GALNTL6: variants seen among roughly 807,000 people sequenced by gnomAD.
The protein encoded by GALNTL6 is polypeptide N-acetylgalactosaminyltransferase like 6, also known as polypeptide N-acetylgalactosaminyltransferase-like 6.
A neutral mutation model predicts 73.7 loss-of-function variants in GALNTL6; 46 were observed. The ratio of observed to expected loss-of-function variants is 0.62; its 90% confidence interval spans 0.49 to 0.80. The LOEUF (loss-of-function observed/expected upper bound fraction) is 0.80. Among genes scored for constraint, GALNTL6 ranks in the 30% least tolerant of loss-of-function variants. The probability of loss-of-function intolerance (pLI) is 0.00; values close to 1 mark genes in which losing one functional copy is unlikely to be tolerated. For synonymous variants in GALNTL6, 259 were observed against 263.7 expected, an observed-to-expected ratio of 0.98 and a Z score of 0.17; for missense variants, 604 against 755.0, an observed-to-expected ratio of 0.80 and a Z score of 2.34.
chr4:172,745,059 G>A (rs566220276), intron 5 of GALNTL6, among the ~76,000 whole-genome samples: 6 of 151,890 alleles, frequency 4.0e-5, no homozygotes, highest in Non-Finnish European at 8.8e-5. Flanking sequence ...AGGCTTGAAA[G>A]GATATGAGAA....
At chr4:172,693,603 G>C (rs902317998) in intron 5 of GALNTL6, among the ~76,000 whole-genome samples, 9 of 152,116 alleles carry the variant, frequency 5.9e-5, no homozygotes, top group Admixed American at 2.0e-4. Context: ...TTCCTCCCCA[G>C]CTTTAAAGCC....
chr4:172,862,800 C>G (rs927760594), intron 7 of GALNTL6, among the ~76,000 whole-genome samples: 1 of 152,190 alleles, frequency 6.6e-6, no homozygotes, highest in Non-Finnish European at 1.5e-5. Context: ...TATTAATCAA[C>G]AAGACAACGT....
chr4:172,746,097 G>C (rs1431284214), intron 5 of GALNTL6, among the ~76,000 whole-genome samples: 4 of 152,086 alleles, frequency 2.6e-5, no homozygotes, highest in Non-Finnish European at 4.4e-5. Flanking sequence ...AGTATTGCTT[G>C]AGGAATAAGT....
chr4:173,036,787 G>T (rs1056883039), intron 12 of GALNTL6, among the ~76,000 whole-genome samples: 4 of 152,270 alleles, frequency 2.6e-5, no homozygotes, highest in Admixed American at 1.3e-4. Flanking sequence ...GTCCTTTAGG[G>T]AGGGTTGTTT....
intron 2 of GALNTL6, among the ~76,000 whole-genome samples, chr4:171,920,500 A>G (rs1413121750): frequency 6.6e-6 from 1 of 152,156 alleles, no homozygotes; most frequent in African/African-American, 2.4e-5. Flanking sequence ...CTAGTTATAG[A>G]ATTTATCCAG....
intron 8 of GALNTL6, among the ~76,000 whole-genome samples, chr4:172,926,418 C>T (rs1220581865): frequency 6.6e-6 from 1 of 152,190 alleles, no homozygotes; most frequent in African/African-American, 2.4e-5. Context: ...ACTTTTCATT[C>T]CGCAAATACT....
At chr4:171,950,482 CTT>C (rs149650644) in intron 2 of GALNTL6, among the ~76,000 whole-genome samples, 6,051 of 141,364 alleles carry the variant, frequency 0.043, 322 homozygotes, top group African/African-American at 0.12. Context: ...CTTTTCTTTT[CTT>C]TTTTTTTTTT....
At chr4:171,828,044 A>T (rs1158164455) in intron 2 of GALNTL6, among the ~76,000 whole-genome samples, 1 of 152,212 alleles carries the variant, frequency 6.6e-6, no homozygotes, top group Non-Finnish European at 1.5e-5. Flanking sequence ...TATAAAAAGT[A>T]AAAAGATTAT....
intron 5 of GALNTL6, among the ~76,000 whole-genome samples, chr4:172,538,331 G>A (rs1225391710): frequency 6.6e-6 from 1 of 152,018 alleles, no homozygotes; most frequent in Non-Finnish European, 1.5e-5. Flanking sequence ...CGTGGTGGCG[G>A]TGCCTGTAGT....
intron 2 of GALNTL6, among the ~76,000 whole-genome samples, chr4:171,900,956 G>A (rs376287918): frequency 6.6e-6 from 1 of 152,076 alleles, no homozygotes; most frequent in African/African-American, 2.4e-5. Context: ...ATAATGATGA[G>A]GGCAAAACTA....
At chr4:172,172,158 A>C (rs969104091) in intron 2 of GALNTL6, among the ~76,000 whole-genome samples, 1 of 152,104 alleles carries the variant, frequency 6.6e-6, no homozygotes, top group African/African-American at 2.4e-5. Context: ...ACCCTAATTC[A>C]ATATAACTAG....
intron 7 of GALNTL6, among the ~76,000 whole-genome samples, chr4:172,838,153 G>T (rs1743012561): frequency 6.6e-6 from 1 of 151,720 alleles, no homozygotes; most frequent in African/African-American, 2.4e-5. Flanking sequence ...AGAGATGGGG[G>T]GGCACAGATC....
chr4:172,369,494 T>C (rs55748960), intron 5 of GALNTL6, among the ~76,000 whole-genome samples: 1 of 152,196 alleles, frequency 6.6e-6, no homozygotes, highest in Non-Finnish European at 1.5e-5. Flanking sequence ...CCTTGGGCGG[T>C]CGATGGGAGT....
chr4:171,919,293 A>T (rs534824693), intron 2 of GALNTL6, among the ~76,000 whole-genome samples: 57 of 152,140 alleles, frequency 3.7e-4, no homozygotes, highest in African/African-American at 1.3e-3. Flanking sequence ...GACATAAAAC[A>T]TTATCCACAC....
In GALNTL6 at chr4:172,026,454, A is replaced by G. The variant is rs150222155; in HGVS notation, c.139-203202A>G. ...TTCAAATTATCTGTATCTGCACTAT[A>G]CAATACATAGCCAGTAGCCACATGC... On this transcript the variant is annotated intron_variant, in intron 2 of 12. Coordinates refer to ENST00000506823, the MANE Select transcript of GALNTL6 (RefSeq NM_001034845.3). 5.9e-5 allele frequency among the ~76,000 whole-genome samples: 9 copies of G among 152,260 alleles called. No individual in the cohort carries two copies. The East Asian group carries it at 1.7e-3, about 29-fold the overall frequency.
At chr4:172,877,292 G>T (rs17318953) in intron 7 of GALNTL6, among the ~76,000 whole-genome samples, 1 of 151,948 alleles carries the variant, frequency 6.6e-6, no homozygotes, top group Non-Finnish European at 1.5e-5. Flanking sequence ...ATAAGCCAGA[G>T]AAATTTTTAA....
chr4:172,265,863 A>T (rs1738434947), intron 3 of GALNTL6, among the ~76,000 whole-genome samples: 1 of 151,966 alleles, frequency 6.6e-6, no homozygotes, highest in African/African-American at 2.4e-5. Context: ...TATATTGGAG[A>T]CTGTTGTGAT....
At chr4:172,577,485 G>A (rs1302936374) in intron 5 of GALNTL6, among the ~76,000 whole-genome samples, 4 of 152,044 alleles carry the variant, frequency 2.6e-5, no homozygotes, top group Non-Finnish European at 5.9e-5. Flanking sequence ...TCTAAACTAA[G>A]AACGCCCCAC....
intron 5 of GALNTL6, among the ~76,000 whole-genome samples, chr4:172,762,842 T>C (rs573893635): frequency 6.7e-6 from 1 of 150,372 alleles, no homozygotes; most frequent in Admixed American, 6.6e-5. Flanking sequence ...CCTCCAACTA[T>C]TTGGAGGACT....
Sources: allele counts gnomAD v4.1 joint callset (sites outside exome capture counted in the v4.1 genomes callset), GRCh38; gene constraint gnomAD v4.1.1; transcripts MANE v1.5; gene names NCBI Gene and HGNC (gene_info 2026-07-23, HGNC 2026-07-21).